The following DPP6 variants were observed in gnomAD, a reference collection of about 807,000 sequenced individuals.
DPP6 encodes the protein A-type potassium channel modulatory protein DPP6.
DPP6 carries 69 observed loss-of-function variants against 122.6 expected under a neutral mutation model. The ratio of observed to expected loss-of-function variants is 0.56; its 90% confidence interval spans 0.46 to 0.69. DPP6 has a LOEUF of 0.69. Among genes scored for constraint, DPP6 ranks in the 30% least tolerant of loss-of-function variants. The pLI, the probability that DPP6 is intolerant of heterozygous loss-of-function variation, is 0.00. For synonymous variants in DPP6, 418 were observed against 433.1 expected (o/e 0.97, Z 0.43); for missense variants, 928 against 1,116.9 (o/e 0.83, Z 2.41).
intron 1 of DPP6, among the ~76,000 whole-genome samples, chr7:153,928,338 A>AGTAGCT (rs2129011941): frequency 6.7e-6 from 1 of 148,872 alleles, no homozygotes; most frequent in African/African-American, 2.5e-5. Context: ...TAGCCTCCCA[A>AGTAGCT]GTAGCTGGGA....
chr7:154,485,836 A>G (rs1250608898), intron 3 of DPP6, among the ~76,000 whole-genome samples: 2 of 152,132 alleles, frequency 1.3e-5, no homozygotes, highest in Non-Finnish European at 2.9e-5. Flanking sequence ...GTACATGTGC[A>G]CAACGTGCAG....
Position 154,566,865 on chromosome 7 carries a change from T to G in DPP6, c.576T>G (p.Tyr192Ter). 1.9e-6 allele frequency: 3 copies of G among 1,604,788 alleles called. No homozygotes were observed. Among genetic ancestry groups the G allele is most frequent in the Non-Finnish European group, 2.6e-6 (3 of 1,173,526 alleles). ...KKIESLRAIRYEISPDREYAL... is the reference protein window; with the variant it reads ...KKIESLRAIR ...AGGAATCATTAAGAGCCATCAGATA[T>G]GAAATATCTCCAGATAGAGAGTATG... Residue 192 changes from tyrosine (Y) to a stop codon, truncating the protein, a stop_gained, in exon 5 of 26, where the codon TAT (tyrosine) becomes TAG (stop). Transcript: ENST00000377770. LOFTEE classifies it high-confidence loss of function.
the DPP6 span, among the ~76,000 whole-genome samples, chr7:153,759,397 C>G: frequency 1.3e-5 from 2 of 151,980 alleles, no homozygotes; most frequent in African/African-American, 4.8e-5. Flanking sequence ...CGGCCCACTG[C>G]AACTTCCACC....
intron 1 of DPP6, among the ~76,000 whole-genome samples, chr7:154,421,241 G>A (rs1817445952): frequency 6.6e-6 from 1 of 151,996 alleles, no homozygotes; most frequent in South Asian, 2.1e-4. Flanking sequence ...TGTAGCTACT[G>A]TTGTGTGACT....
At chr7:154,612,789 C>A (rs1437816332) in intron 5 of DPP6, among the ~76,000 whole-genome samples, 1 of 152,200 alleles carries the variant, frequency 6.6e-6, no homozygotes, top group Non-Finnish European at 1.5e-5. Flanking sequence ...TTCCCTCTGT[C>A]CTCATCAACA....
chr7:154,353,464 A>C (rs566220768), intron 1 of DPP6, among the ~76,000 whole-genome samples: 159 of 152,202 alleles, frequency 1.0e-3, no homozygotes, highest in African/African-American at 3.7e-3. Flanking sequence ...GCATAAAGGA[A>C]CCAGCCCGTT....
At chr7:153,962,628 G>A (rs2190995) in intron 1 of DPP6, among the ~76,000 whole-genome samples, 69,848 of 151,974 alleles carry the variant, frequency 0.46, 16,190 homozygotes, top group Admixed American at 0.55. Context: ...GAAGCCCACA[G>A]AGACCCGATG....
At chr7:154,892,041 G>A (rs966609943) in intron 25 of DPP6, among the ~76,000 whole-genome samples, 1 of 152,316 alleles carries the variant, frequency 6.6e-6, no homozygotes, top group African/African-American at 2.4e-5. Context: ...TGCTGTGCCT[G>A]GAGAGGGCCA....
chr7:154,616,529 C>T (rs1834268099), intron 5 of DPP6, among the ~76,000 whole-genome samples: 1 of 152,008 alleles, frequency 6.6e-6, no homozygotes, highest in African/African-American at 2.4e-5. Flanking sequence ...TTTAGGAGGG[C>T]TGGGAGGCTA....
the DPP6 span, among the ~76,000 whole-genome samples, chr7:153,762,207 A>G: frequency 6.6e-6 from 1 of 152,356 alleles, no homozygotes; most frequent in Non-Finnish European, 1.5e-5. Flanking sequence ...ATTTGTAACC[A>G]CGGAGAATAG....
intron 1 of DPP6, among the ~76,000 whole-genome samples, chr7:154,402,154 T>C (rs1815673535): frequency 1.3e-5 from 2 of 150,354 alleles, no homozygotes; most frequent in Non-Finnish European, 1.5e-5. Context: ...TTGGTGGGAC[T>C]GTAAACTAGT....
At chr7:153,954,300 T>A (rs1324668622) in intron 1 of DPP6, among the ~76,000 whole-genome samples, 1 of 152,256 alleles carries the variant, frequency 6.6e-6, no homozygotes, top group African/African-American at 2.4e-5. Context: ...CAAAGATGTT[T>A]AGTATTAAAT....
chr7:154,686,271 G>A (rs947539253), intron 7 of DPP6, among the ~76,000 whole-genome samples: 2 of 152,134 alleles, frequency 1.3e-5, no homozygotes, highest in Non-Finnish European at 2.9e-5. Context: ...CTTAAGTCTG[G>A]ACTCTGTTCA....
At chr7:154,625,191 G>T (rs1834986387) in intron 5 of DPP6, among the ~76,000 whole-genome samples, 1 of 152,136 alleles carries the variant, frequency 6.6e-6, no homozygotes, top group Admixed American at 6.5e-5. Flanking sequence ...CATCCAAGTG[G>T]GCATGGTAAG....
At chr7:154,709,559 T>C (rs1425712657) in intron 7 of DPP6, among the ~76,000 whole-genome samples, 3 of 151,186 alleles carry the variant, frequency 2.0e-5, no homozygotes, top group African/African-American at 7.3e-5. Context: ...TATGTGTGAG[T>C]GTGATCTGTA....
chr7:153,871,126 A>G, the DPP6 span, among the ~76,000 whole-genome samples: 1 of 152,304 alleles, frequency 6.6e-6, no homozygotes, highest in African/African-American at 2.4e-5. Flanking sequence ...CAGTCTGCCC[A>G]TTCTCAGATC....
intron 1 of DPP6, among the ~76,000 whole-genome samples, chr7:154,445,874 A>G (rs917690193): frequency 6.6e-6 from 1 of 152,120 alleles, no homozygotes; most frequent in African/African-American, 2.4e-5. Flanking sequence ...TTAGCTGTGA[A>G]GAAGGAAAGC....
At chr7:154,191,961 G>T (rs368500550) in intron 1 of DPP6, among the ~76,000 whole-genome samples, 1 of 152,006 alleles carries the variant, frequency 6.6e-6, no homozygotes, top group South Asian at 2.1e-4. Flanking sequence ...ATAATTTATC[G>T]ACTAAGAAAA....
chr7:154,428,947 T>C (rs985981651), intron 1 of DPP6, among the ~76,000 whole-genome samples: 2 of 152,204 alleles, frequency 1.3e-5, no homozygotes, highest in African/African-American at 4.8e-5. Context: ...ACTTCAGCAC[T>C]GTACGCTTCA....
Sources: allele counts gnomAD v4.1 joint callset (sites outside exome capture counted in the v4.1 genomes callset), GRCh38; gene constraint gnomAD v4.1.1; transcripts MANE v1.5; gene names NCBI Gene and HGNC (gene_info 2026-07-23, HGNC 2026-07-21).